CDK19: variants seen among roughly 807,000 people sequenced by gnomAD.
The protein encoded by CDK19 is cyclin-dependent kinase 19.
In CDK19, 20 loss-of-function variants were observed where a neutral mutation model predicts 68.3. The observed-to-expected ratio is 0.29, with a 90% CI of 0.21 to 0.43. The LOEUF (loss-of-function observed/expected upper bound fraction) is 0.43, where lower values mean the gene tolerates loss of function less well. Ranked by LOEUF, CDK19 falls within the 20% of genes least tolerant of loss-of-function variation. The pLI, the probability that CDK19 is intolerant of heterozygous loss-of-function variation, is 1.00. For synonymous variants in CDK19, 221 were observed against 222.8 expected (o/e 0.99, Z 0.07); for missense variants, 339 against 623.5 (o/e 0.54, Z 4.86).
At chr6:110,726,171 CTGTTATAATCA>C (rs1446773680) in intron 2 of CDK19, among the ~76,000 whole-genome samples, 2 of 152,118 alleles carry the variant, frequency 1.3e-5, no homozygotes, top group East Asian at 1.9e-4. Flanking sequence ...CATGATGCAA[CTGTTATAATCA>C]TGTTATAATC....
In CDK19 at chr6:110,815,466, C is replaced by T. The variant is rs1376959495; in HGVS notation, c.-330G>A. 1 of 206,542 alleles carries T rather than the reference C, an allele frequency of 4.8e-6. No individual in the cohort carries two copies. The highest frequency in any genetic ancestry group is 9.6e-6 in the Non-Finnish European group (1 of 104,428). 12.8% of individuals were successfully genotyped at this position (206,542 alleles called of 1,614,324 possible). A position where few individuals can be genotyped will look rare whatever the true frequency, so the allele number is the denominator to read the frequency against. On this transcript the variant is annotated 5_prime_UTR_variant, in exon 1 of 13. Transcript: ENST00000368911. ...GCTTCCTCGAGCTCATTAGCGAACT[C>T]ACTGGCCCGCCCCATGGTCGCGGAG...
At chr6:110,712,714 A>G (rs1036790250) in intron 2 of CDK19, among the ~76,000 whole-genome samples, 5 of 152,208 alleles carry the variant, frequency 3.3e-5, no homozygotes, top group South Asian at 2.1e-4. Flanking sequence ...GATAAACAGG[A>G]TATTTATCCA....
chr6:110,733,291 T>C (rs955230810), intron 2 of CDK19, among the ~76,000 whole-genome samples: 7 of 152,228 alleles, frequency 4.6e-5, no homozygotes, highest in African/African-American at 1.7e-4. Context: ...TTTTCTTTTT[T>C]AGAGTTTAAT....
chr6:110,695,972 G>C (rs986878897), intron 2 of CDK19, among the ~76,000 whole-genome samples: 1 of 152,052 alleles, frequency 6.6e-6, no homozygotes, highest in Non-Finnish European at 1.5e-5. Context: ...GATAGACAAA[G>C]AGGAAATCGT....
intron 2 of CDK19, among the ~76,000 whole-genome samples, chr6:110,742,466 AG>A (rs1777752292): frequency 1.3e-5 from 2 of 152,202 alleles, no homozygotes; most frequent in Admixed American, 1.3e-4. Flanking sequence ...AGTGATTTTC[AG>A]GGAACAAGGG....
intron 2 of CDK19, among the ~76,000 whole-genome samples, chr6:110,672,954 G>A (rs1241313589): frequency 6.6e-6 from 1 of 150,926 alleles, no homozygotes; most frequent in South Asian, 2.1e-4. Flanking sequence ...CCATTTTTAA[G>A]TATACTAGAT....
chr6:110,804,496 C>T lies in CDK19; in HGVS notation c.128+10513G>A, dbSNP rs544720150. ...TAGCTGGGACTACTCAGGGTAGGTG[C>T]GTGCCACCACGCTGGGCTAATTTTT... On this transcript the variant is annotated intron_variant, in intron 1 of 12. Transcript: ENST00000368911. Among the ~76,000 whole-genome samples, 9 of 151,596 alleles carry T rather than the reference C, an allele frequency of 5.9e-5. No individual in the cohort carries two copies. The East Asian group carries it at 1.4e-3, about 24-fold the overall frequency.
chr6:110,680,463 T>A (rs1771907197), intron 2 of CDK19, among the ~76,000 whole-genome samples: 1 of 152,150 alleles, frequency 6.6e-6, no homozygotes, highest in African/African-American at 2.4e-5. Context: ...AGGCTCTAGA[T>A]AAACATCACA....
At chr6:110,797,378 A>G (rs1017381174) in intron 1 of CDK19, among the ~76,000 whole-genome samples, 1 of 152,150 alleles carries the variant, frequency 6.6e-6, no homozygotes, top group Non-Finnish European at 1.5e-5. Context: ...TGTATTCAAA[A>G]AACATTTGTC....
At chr6:110,663,499 GCTATCACAGA>G (rs1294367518) in intron 4 of CDK19, among the ~76,000 whole-genome samples, 1 of 151,940 alleles carries the variant, frequency 6.6e-6, no homozygotes, top group Non-Finnish European at 1.5e-5. Flanking sequence ...AATTGAAGAG[GCTATCACAGA>G]CTAGATTCCT....
intron 3 of CDK19, among the ~76,000 whole-genome samples, chr6:110,668,515 T>C (rs1332473345): frequency 1.3e-5 from 2 of 152,166 alleles, no homozygotes; most frequent in East Asian, 3.8e-4. Flanking sequence ...GCCACATGTA[T>C]AACTTTCCAC....
chr6:110,786,017 A>G (rs951000273), intron 1 of CDK19, among the ~76,000 whole-genome samples: 1 of 151,944 alleles, frequency 6.6e-6, no homozygotes, highest in Non-Finnish European at 1.5e-5. Context: ...AAAGAAATAC[A>G]TCATAATTTC....
intron 1 of CDK19, among the ~76,000 whole-genome samples, chr6:110,781,446 G>A (rs1293670057): frequency 6.6e-6 from 1 of 152,146 alleles, no homozygotes; most frequent in African/African-American, 2.4e-5. Context: ...CAACACCGGA[G>A]ATCAATTTCC....
intron 1 of CDK19, among the ~76,000 whole-genome samples, chr6:110,750,162 A>T (rs1157889305): frequency 6.8e-6 from 1 of 146,052 alleles, no homozygotes; most frequent in Non-Finnish European, 1.5e-5. Flanking sequence ...TGAAAATTAC[A>T]TATGAAGGTT....
intron 4 of CDK19, chr6:110,645,884 C>G: frequency 1.3e-6 from 1 of 745,786 alleles, no homozygotes; most frequent in South Asian, 1.5e-5. Flanking sequence ...TAGACGAAAA[C>G]AGCGGCGACT....
intron 12 of CDK19, among the ~76,000 whole-genome samples, chr6:110,617,769 A>C (rs1197021579): frequency 1.4e-5 from 2 of 144,020 alleles, no homozygotes; most frequent in African/African-American, 2.6e-5. Flanking sequence ...AGGCATGAGA[A>C]TCACTTGAAC....
intron 2 of CDK19, among the ~76,000 whole-genome samples, chr6:110,687,240 T>C (rs188614263): frequency 5.3e-5 from 8 of 152,256 alleles, no homozygotes; most frequent in Admixed American, 2.6e-4. Flanking sequence ...TTTCAGGACA[T>C]TGGGCATTAT....
At chr6:110,756,515 T>C (rs572369966) in intron 1 of CDK19, among the ~76,000 whole-genome samples, 9 of 151,354 alleles carry the variant, frequency 5.9e-5, no homozygotes, top group East Asian at 5.9e-4. Flanking sequence ...TGAGCCAAGA[T>C]TGCGCCACTG....
intron 2 of CDK19, among the ~76,000 whole-genome samples, chr6:110,704,087 G>GT (rs1206727858): frequency 1.3e-5 from 2 of 152,152 alleles, no homozygotes; most frequent in Admixed American, 1.3e-4. Flanking sequence ...ATTTTAAGTT[G>GT]TTGTTTTTGG....
Sources: gnomAD v4.1 joint callset for allele counts (sites outside exome capture counted in the v4.1 genomes callset) on GRCh38, gnomAD v4.1.1 for gene constraint, MANE v1.5 for transcripts, NCBI Gene and HGNC (gene_info 2026-07-23, HGNC 2026-07-21) for gene names.